The following LYRM4 variants were observed in gnomAD, a reference collection of about 807,000 sequenced individuals.
LYRM4 encodes LYR motif containing 4.
In LYRM4, 9 loss-of-function variants were observed where a neutral mutation model predicts 11.7. The observed-to-expected ratio is 0.77, with a 90% CI of 0.46 to 1.34. The LOEUF is 1.34. Among genes scored for constraint, LYRM4 ranks in the 40% most tolerant of loss-of-function variants. The probability of loss-of-function intolerance (pLI) is 0.00; values close to 1 mark genes in which losing one functional copy is unlikely to be tolerated. For synonymous variants in LYRM4, 42 were observed against 40.4 expected (o/e 1.04, Z -0.15); for missense variants, 133 against 112.5 (o/e 1.18, Z -0.82).
At chr6:5,202,873 C>T (rs571765355) in intron 2 of LYRM4, among the ~76,000 whole-genome samples, 1 of 152,196 alleles carries the variant, frequency 6.6e-6, no homozygotes, top group African/African-American at 2.4e-5. Context: ...GGAATCTAGT[C>T]CTTTATAATT....
intron 2 of LYRM4, among the ~76,000 whole-genome samples, chr6:5,146,663 C>A (rs560207028): frequency 6.6e-5 from 10 of 152,318 alleles, no homozygotes; most frequent in Admixed American, 3.3e-4. Flanking sequence ...TGGGGCCCAG[C>A]TACCTGTCCA....
At chr6:5,249,656 G>T (rs1001291783) in intron 1 of LYRM4, among the ~76,000 whole-genome samples, 1 of 152,130 alleles carries the variant, frequency 6.6e-6, no homozygotes. Flanking sequence ...CACAGATCCC[G>T]ACAACAGCCA....
chr6:5,152,948 T>C (rs1457615618), intron 2 of LYRM4, among the ~76,000 whole-genome samples: 1 of 152,226 alleles, frequency 6.6e-6, no homozygotes, highest in African/African-American at 2.4e-5. Context: ...TGACAACTAG[T>C]ACTATATCCT....
At chr6:5,165,066 C>T (rs1281508282) in intron 2 of LYRM4, among the ~76,000 whole-genome samples, 1 of 151,528 alleles carries the variant, frequency 6.6e-6, no homozygotes, top group Non-Finnish European at 1.5e-5. Context: ...CATTTTAATG[C>T]AGTACTTTTG....
intron 1 of LYRM4, 50 bp downstream of exon 1, chr6:5,260,598 T>TGCCCCGGCCCCGGGGCCCCCCCCC: frequency 1.8e-6 from 2 of 1,105,566 alleles, no homozygotes; most frequent in Non-Finnish European, 2.6e-6. Context: ...GCACCCCCGG[T>TGCCCCGGCCCCGGGGCCCCCCCCC]CCCCGGCCCC....
chr6:5,104,562 C>T (rs1762604252), downstream of LYRM4: 1 of 152,168 alleles, frequency 6.6e-6, no homozygotes, highest in Non-Finnish European at 1.5e-5. Context: ...AGGTATGAGC[C>T]ACCACACCCA....
chr6:5,066,494 T>C, the LYRM4 span: 1 of 776,960 alleles, frequency 1.3e-6, no homozygotes, highest in Non-Finnish European at 2.4e-6. Context: ...TAGCGGGTGG[T>C]TTTATTACTC....
chr6:5,086,184 G>T, the LYRM4 span: 1 of 1,533,450 alleles, frequency 6.5e-7, no homozygotes, highest in Non-Finnish European at 8.7e-7. Context: ...GCGCTGAGGT[G>T]AAGGGCTCCG....
At chr6:5,159,276 G>A (rs1232907414) in intron 2 of LYRM4, among the ~76,000 whole-genome samples, 1 of 152,212 alleles carries the variant, frequency 6.6e-6, no homozygotes, top group Non-Finnish European at 1.5e-5. Context: ...TAGAGGACAG[G>A]GCCAGATTAT....
downstream of LYRM4, among the ~76,000 whole-genome samples, chr6:5,101,651 T>C (rs556082184): frequency 7.2e-5 from 11 of 152,326 alleles, 1 homozygote; most frequent in South Asian, 2.3e-3. Flanking sequence ...AAGAAGCCTC[T>C]ATGAACCAGG....
chr6:5,235,902 T>C (rs146833941), intron 1 of LYRM4, among the ~76,000 whole-genome samples: 137 of 152,314 alleles, frequency 9.0e-4, no homozygotes, highest in Non-Finnish European at 1.8e-3. Context: ...GGTTTTGAGA[T>C]TCCTAATACT....
chr6:5,050,310 A>G, the LYRM4 span, among the ~76,000 whole-genome samples: 1 of 152,192 alleles, frequency 6.6e-6, no homozygotes, highest in African/African-American at 2.4e-5. Context: ...AGCTTGCAAA[A>G]AGCTTGAAGG....
At chr6:5,064,553 T>G in the LYRM4 span, among the ~76,000 whole-genome samples, 1 of 152,160 alleles carries the variant, frequency 6.6e-6, no homozygotes, top group Non-Finnish European at 1.5e-5. Context: ...TTTTTTAAAT[T>G]CAATTAACTT....
intron 2 of LYRM4, among the ~76,000 whole-genome samples, chr6:5,198,589 C>T (rs1439652769): frequency 2.0e-5 from 3 of 152,158 alleles, no homozygotes; most frequent in African/African-American, 7.2e-5. Context: ...GGATTCTTAC[C>T]CAGAGCTCCA....
intron 1 of LYRM4, among the ~76,000 whole-genome samples, chr6:5,225,164 C>T (rs559930968): frequency 3.4e-5 from 5 of 147,940 alleles, no homozygotes; most frequent in Non-Finnish European, 3.0e-5. Flanking sequence ...AGGAGAATGG[C>T]GTGAACCTGG....
the LYRM4 span, among the ~76,000 whole-genome samples, chr6:5,082,394 T>TCC: frequency 6.6e-6 from 1 of 152,114 alleles, no homozygotes; most frequent in Non-Finnish European, 1.5e-5. Context: ...GATCTTGCCC[T>TCC]CCCTCTATTC....
chr6:5,174,031 GC>G (rs1759578536), intron 2 of LYRM4, among the ~76,000 whole-genome samples: 1 of 152,180 alleles, frequency 6.6e-6, no homozygotes, highest in African/African-American at 2.4e-5. Flanking sequence ...TTTGTCCTGA[GC>G]CCCAGGATTC....
chr6:5,240,593 G>C (rs939160407), intron 1 of LYRM4: 1 of 152,194 alleles, frequency 6.6e-6, no homozygotes, highest in Admixed American at 6.5e-5. Flanking sequence ...CCAAAGACAA[G>C]ACATCCTGGG....
the LYRM4 span, among the ~76,000 whole-genome samples, chr6:5,059,671 A>C: frequency 0.29 from 43,976 of 151,880 alleles, 6,786 homozygotes; most frequent in African/African-American, 0.39. Context: ...CTTTCCTACC[A>C]CCTAACATCA....
Sources: allele counts gnomAD v4.1 joint callset (sites outside exome capture counted in the v4.1 genomes callset), GRCh38; gene constraint gnomAD v4.1.1; transcripts MANE v1.5; gene names NCBI Gene and HGNC (gene_info 2026-07-23, HGNC 2026-07-21).